The following STS variants were observed in gnomAD, a reference collection of about 807,000 sequenced individuals.
STS encodes the protein steryl-sulfatase.
A neutral mutation model predicts 26.8 loss-of-function variants in STS; 7 were observed. The ratio of observed to expected loss-of-function variants is 0.26; its 90% confidence interval spans 0.15 to 0.49. The LOEUF (loss-of-function observed/expected upper bound fraction) is 0.49, where lower values mean the gene tolerates loss of function less well. Among genes scored for constraint, STS ranks in the 20% least tolerant of loss-of-function variants. The pLI, the probability that STS is intolerant of heterozygous loss-of-function variation, is 0.98. For synonymous variants in STS, 199 were observed against 189.4 expected (o/e 1.05, Z -0.42); for missense variants, 434 against 465.6 (o/e 0.93, Z 0.63).
At position 7,180,975 on chromosome X, in the gene STS, A is replaced by G. The variant is rs1933669124; in HGVS notation, c.-133-9905A>G. Among the ~76,000 whole-genome samples, 3 of 112,342 alleles carry G rather than the reference A, an allele frequency of 2.7e-5. No individual in the cohort carries two copies. In the South Asian group the frequency reaches 1.1e-3, roughly 42 times the overall value. ...TTGATGGCATGCTTCTAAATGCAGT[A>G]ACTCAATCCTGCTGTCTTAAGGAAG... On this transcript the variant is annotated intron_variant, in intron 1 of 10. Transcript: ENST00000674429.
chrX:7,303,521 C>A (rs1926073458), intron 7 of STS, among the ~76,000 whole-genome samples: 2 of 110,852 alleles, frequency 1.8e-5, no homozygotes, highest in African/African-American at 3.3e-5. Context: ...AGGGAGCGCC[C>A]AGGATTTCTT....
intron 1 of STS, among the ~76,000 whole-genome samples, chrX:7,158,458 C>T (rs747705367): frequency 6.3e-5 from 7 of 111,974 alleles, no homozygotes; most frequent in Non-Finnish European, 1.1e-4. Flanking sequence ...GGGGGTGATC[C>T]AGCTGTCCTG....
chrX:7,324,158 T>C lies in STS; in HGVS notation c.1082-1181T>C, dbSNP rs773382381. 2.9e-5 allele frequency among the ~76,000 whole-genome samples: 3 copies of C among 102,120 alleles called. No individual in the cohort carries two copies. The East Asian group carries it at 1.1e-3, about 37-fold the overall frequency. The allele number at this position is 102,120 out of a possible 115,157, so 88.7% of individuals were successfully genotyped here. ...GTTCAGTCTGGAAAGGTAGCATGAGTCAAAATCGGGGGGTGGGGGGTGAGG... is the reference window on the plus strand; with the variant it reads ...GTTCAGTCTGGAAAGGTAGCATGAGCCAAAATCGGGGGGTGGGGGGTGAGG... On this transcript the variant is annotated intron_variant, in intron 8 of 10. Transcript: ENST00000674429.
rs751537945 is a variant in STS at position 7,323,836 on chromosome X, C to G, written c.1082-1503C>G. ...TGCCTTATCCAACTTCTAGAGCCTG[C>G]CTGCATTCCTGGGCTTGGGGTGCCC... On this transcript the variant is annotated intron_variant, in intron 8 of 10. Transcript: ENST00000674429. Among the ~76,000 whole-genome samples, 96 of 111,548 alleles carry G rather than the reference C, an allele frequency of 8.6e-4. 1 individual carries two copies. Among genetic ancestry groups the G allele is most frequent in the South Asian group, 1.5e-3 (4 of 2,600 alleles).
At chrX:7,335,377 T>A (rs5933857) in intron 10 of STS, among the ~76,000 whole-genome samples, 2 of 111,103 alleles carry the variant, frequency 1.8e-5, no homozygotes, top group African/African-American at 6.6e-5. Flanking sequence ...AACATTTTTT[T>A]ATGTGTCTGT....
At chrX:7,310,373 G>C (rs1409469664) in intron 8 of STS, among the ~76,000 whole-genome samples, 4 of 111,937 alleles carry the variant, frequency 3.6e-5, no homozygotes, top group Non-Finnish European at 7.5e-5. Flanking sequence ...AGGAAATTTA[G>C]TTTATGGCTC....
rs565892775 is a variant in STS at position 7,330,933 on chromosome X, C to G, written c.1242-3053C>G. ...CTTTCTCCTAAAGATGTTTCCTTAA[C>G]TATGACTGTCTACATTGAAATCATT... is the stretch of plus-strand genomic sequence containing the variant. On this transcript the variant is annotated intron_variant, in intron 9 of 10. Coordinates refer to ENST00000674429, the MANE Select transcript of STS (RefSeq NM_001320752.2). Among the ~76,000 whole-genome samples, 91 of 112,446 alleles carry G rather than the reference C, an allele frequency of 8.1e-4. 2 individuals are homozygous for G. The South Asian group carries it at 0.031, about 39-fold the overall frequency.
At chrX:7,176,740 C>G (rs1352953638) in intron 1 of STS, among the ~76,000 whole-genome samples, 1 of 110,947 alleles carries the variant, frequency 9.0e-6, no homozygotes, top group African/African-American at 3.3e-5. Context: ...AGAACTTACT[C>G]GCTAACACAA....
intron 2 of STS, among the ~76,000 whole-genome samples, chrX:7,199,346 T>C (rs1164641790): frequency 2.7e-5 from 3 of 112,007 alleles, no homozygotes; most frequent in African/African-American, 9.7e-5. Flanking sequence ...TAATAATCAG[T>C]TGACAAAGAA....
At chrX:7,204,796 C>G (rs764146955) in intron 2 of STS, among the ~76,000 whole-genome samples, 122 of 104,942 alleles carry the variant, frequency 1.2e-3, no homozygotes, top group African/African-American at 4.0e-3. Flanking sequence ...CTAACTTCCT[C>G]TCTCCCTGCC....
intron 1 of STS, among the ~76,000 whole-genome samples, chrX:7,153,710 T>C (rs1179902634): frequency 2.5e-4 from 17 of 67,750 alleles, no homozygotes; most frequent in East Asian, 1.2e-3. Flanking sequence ...TTCCTGTCTT[T>C]CTTCCTGTCC....
At chrX:7,215,031 GT>G (rs1921227285) in intron 2 of STS, among the ~76,000 whole-genome samples, 1 of 59,210 alleles carries the variant, frequency 1.7e-5, no homozygotes, top group Admixed American at 2.3e-4. Context: ...TATTATATAT[GT>G]ATATATATAC....
In STS at chrX:7,299,173, A is replaced by G. The variant is rs1260163253; in HGVS notation, c.944-5873A>G. Reference sequence around the variant, plus strand: ...TAAATTGTATAATTAAAATTTATATATAAAGTATATAAATATATAAATATA... The same window carrying G: ...TAAATTGTATAATTAAAATTTATATGTAAAGTATATAAATATATAAATATA... On this transcript the variant is annotated intron_variant, in intron 7 of 10. Transcript: ENST00000674429. Among the ~76,000 whole-genome samples the G allele has an allele frequency of 4.2e-5, 4 of 95,902 alleles. No individual in the cohort carries two copies. The East Asian group carries it at 1.2e-3, about 29-fold the overall frequency. 83.3% of individuals were successfully genotyped at this position (95,902 alleles called of 115,157 possible).
intron 1 of STS, among the ~76,000 whole-genome samples, chrX:7,177,130 C>A (rs1165975636): frequency 3.6e-5 from 4 of 111,420 alleles, no homozygotes; most frequent in Non-Finnish European, 7.5e-5. Context: ...ATCACATCTA[C>A]AAACTCCCTT....
At chrX:7,305,291 T>A in intron 8 of STS, 108 bp downstream of exon 8, 1 of 1,001,800 alleles carries the variant, frequency 1.0e-6, no homozygotes, top group Non-Finnish European at 1.4e-6. Context: ...TTGCAATAGG[T>A]AGGACTTCCT....
At position 7,148,087 on chromosome X, in the gene STS, G is replaced by A. The variant is rs1031154006; in HGVS notation, c.-134+4G>A. On this transcript the variant is annotated splice_donor_region_variant and intron_variant, in intron 1 of 10. Coordinates refer to ENST00000674429, the MANE Select transcript of STS (RefSeq NM_001320752.2). ...GTCCGTCCATGTCAAAGATGAGGTGGGTGACGGGCTGCGGGGGCGCCGCCA... is the reference window on the plus strand; with the variant it reads ...GTCCGTCCATGTCAAAGATGAGGTGAGTGACGGGCTGCGGGGGCGCCGCCA... 1 of 1,136,851 alleles carries A rather than the reference G, an allele frequency of 8.8e-7. No homozygotes were observed. The highest frequency in any genetic ancestry group is 2.8e-5 in the Admixed American group (1 of 36,042). 93.7% of individuals were successfully genotyped at this position (1,136,851 alleles called of 1,213,427 possible). A position where few individuals can be genotyped will look rare whatever the true frequency, so the allele number is the denominator to read the frequency against.
intron 1 of STS, among the ~76,000 whole-genome samples, chrX:7,177,758 A>AC (rs1409323447): frequency 1.8e-5 from 2 of 110,061 alleles, no homozygotes; most frequent in African/African-American, 6.6e-5. Context: ...CAAGTGATCC[A>AC]CCCCACCTCG....
rs768127919 is a variant in STS, at chrX:7,308,808, C to CT, written c.1081+3625_1081+3626insT. On this transcript the variant is annotated intron_variant, in intron 8 of 10. Coordinates refer to ENST00000674429, the MANE Select transcript of STS (RefSeq NM_001320752.2). ...ATGCCCTAAAAGGAAGATGGGGTTT[C>CT]CTTCTAGTTATGGGAAGTAGGCTTC... 1.3e-4 allele frequency among the ~76,000 whole-genome samples: 15 copies of CT among 111,565 alleles called. No homozygotes were observed. The South Asian group carries it at 5.7e-3, about 42-fold the overall frequency.
At chrX:7,249,727 A>G in intron 2 of STS, among the ~76,000 whole-genome samples, 1 of 111,756 alleles carries the variant, frequency 8.9e-6, no homozygotes, top group Non-Finnish European at 1.9e-5. Flanking sequence ...TGCTATGAGT[A>G]TGACTAGGGC....
Sources: allele counts gnomAD v4.1 joint callset (sites outside exome capture counted in the v4.1 genomes callset), GRCh38; gene constraint gnomAD v4.1.1; transcripts MANE v1.5; gene names NCBI Gene and HGNC (gene_info 2026-07-23, HGNC 2026-07-21).